The following CDH4 variants were observed in gnomAD, a reference collection of about 807,000 sequenced individuals.
CDH4 encodes cadherin-4.
A neutral mutation model predicts 86.0 loss-of-function variants in CDH4; 33 were observed. That is an observed-to-expected ratio of 0.38 (90% CI 0.29 to 0.51). The LOEUF is 0.51. Among genes scored for constraint, CDH4 ranks in the 20% least tolerant of loss-of-function variants. The probability of loss-of-function intolerance (pLI) is 0.86; values close to 1 mark genes in which losing one functional copy is unlikely to be tolerated. For missense variants in CDH4, 1,114 were observed against 1,307.4 expected (o/e 0.85, Z 2.28); for synonymous variants, 555 against 549.4 (o/e 1.01, Z -0.14).
chr20:61,842,451 C>A (rs573390525), intron 4 of CDH4, among the ~76,000 whole-genome samples: 1 of 152,192 alleles, frequency 6.6e-6, no homozygotes, highest in African/African-American at 2.4e-5. Flanking sequence ...AATTCCAGAG[C>A]GAGCTGACCT....
chr20:61,464,704 C>T (rs1485919268), intron 2 of CDH4, among the ~76,000 whole-genome samples: 2 of 152,216 alleles, frequency 1.3e-5, no homozygotes. Context: ...TGGTAACTAA[C>T]ATAGGTGTCT....
chr20:61,327,972 G>A (rs563581269), intron 2 of CDH4, among the ~76,000 whole-genome samples: 2 of 152,274 alleles, frequency 1.3e-5, no homozygotes, highest in East Asian at 3.9e-4. Flanking sequence ...AAATTCACAG[G>A]ACAATACTGA....
intron 2 of CDH4, among the ~76,000 whole-genome samples, chr20:61,286,808 A>C (rs1386302239): frequency 1.3e-5 from 2 of 152,236 alleles, no homozygotes; most frequent in African/African-American, 4.8e-5. Flanking sequence ...GAGCACTCAG[A>C]CATCCTCTGG....
chr20:61,447,548 T>C (rs1366777343), intron 2 of CDH4, among the ~76,000 whole-genome samples: 1 of 151,838 alleles, frequency 6.6e-6, no homozygotes, highest in African/African-American at 2.4e-5. Flanking sequence ...CCCATTTCAC[T>C]TTTTAATCAT....
At chr20:61,801,669 C>T (rs1199708875) in intron 4 of CDH4, among the ~76,000 whole-genome samples, 2 of 141,530 alleles carry the variant, frequency 1.4e-5, no homozygotes, top group Non-Finnish European at 3.1e-5. Context: ...TGCCCTTTCC[C>T]GTTTCTAGAG....
intron 7 of CDH4, among the ~76,000 whole-genome samples, chr20:61,877,721 T>G (rs1984094776): frequency 6.6e-6 from 1 of 152,126 alleles, no homozygotes; most frequent in Admixed American, 6.5e-5. Flanking sequence ...GAAGATCAGT[T>G]TCTGTCTTGT....
At chr20:61,440,265 T>C (rs945427348) in intron 2 of CDH4, among the ~76,000 whole-genome samples, 5 of 152,162 alleles carry the variant, frequency 3.3e-5, no homozygotes, top group African/African-American at 1.2e-4. Context: ...AGACACTTAC[T>C]GAAGTGATGA....
At chr20:61,803,144 G>A (rs973494855) in intron 4 of CDH4, among the ~76,000 whole-genome samples, 6 of 152,192 alleles carry the variant, frequency 3.9e-5, no homozygotes, top group Non-Finnish European at 5.9e-5. Context: ...CGTCGTTGAC[G>A]GTGTGTCCGC....
intron 3 of CDH4, among the ~76,000 whole-genome samples, chr20:61,747,496 CAG>C (rs1483352802): frequency 6.7e-6 from 1 of 149,768 alleles, no homozygotes; most frequent in African/African-American, 2.5e-5. Context: ...ATGGGGCAAT[CAG>C]AGAGATTTTA....
At chr20:61,447,056 C>A (rs185186963) in intron 2 of CDH4, among the ~76,000 whole-genome samples, 59 of 152,170 alleles carry the variant, frequency 3.9e-4, no homozygotes, top group African/African-American at 1.3e-3. Context: ...TGGAGGAATT[C>A]TTTGTATACT....
intron 4 of CDH4, among the ~76,000 whole-genome samples, chr20:61,790,787 T>C (rs1445640114): frequency 6.6e-6 from 1 of 151,116 alleles, no homozygotes; most frequent in Admixed American, 6.6e-5. Context: ...TCTCTCTCCA[T>C]CCATTCATTC....
chr20:61,757,793 G>A (rs150887834), intron 3 of CDH4, among the ~76,000 whole-genome samples: 34 of 152,332 alleles, frequency 2.2e-4, no homozygotes, highest in African/African-American at 8.2e-4. Context: ...GAGCCGTGGA[G>A]GGAGGAGCGA....
chr20:61,492,981 G>T (rs2145590912), intron 2 of CDH4, among the ~76,000 whole-genome samples: 1 of 152,332 alleles, frequency 6.6e-6, no homozygotes, highest in East Asian at 1.9e-4. Context: ...GAGCTGTCGT[G>T]CCTGTCAGCC....
intron 2 of CDH4, among the ~76,000 whole-genome samples, chr20:61,368,636 C>G (rs1331513393): frequency 6.6e-6 from 1 of 152,108 alleles, no homozygotes; most frequent in Non-Finnish European, 1.5e-5. Flanking sequence ...CCTGCCTTAG[C>G]CTCCCAAGTA....
At chr20:61,919,836 CGT>C (rs1491360922) in intron 9 of CDH4, among the ~76,000 whole-genome samples, 3 of 68,416 alleles carry the variant, frequency 4.4e-5, no homozygotes, top group African/African-American at 1.8e-4. Context: ...TGCATGGAAG[CGT>C]GTGATTGTGT....
rs534338044 is a variant in CDH4, at chr20:61,775,887, C to T, written c.576+2705C>T. Among the ~76,000 whole-genome samples the T allele has an allele frequency of 1.0e-3, 155 of 152,302 alleles. 6 individuals are homozygous for T. The South Asian group carries it at 0.029, about 28-fold the overall frequency. On this transcript the variant is annotated intron_variant, in intron 4 of 15. Transcript: ENST00000614565. ...GGGAATTTCTTCCTCAGCTCTGCTC[C>T]ACAGATAGGCTTGTAAAAGGGAACA... is the stretch of plus-strand genomic sequence containing the variant.
rs2087510599 is a variant in CDH4, at chr20:61,681,306, C to T, written c.170-62257C>T. Among the ~76,000 whole-genome samples, 1 of 152,312 alleles carries T rather than the reference C, an allele frequency of 6.6e-6. No homozygotes were observed. Among genetic ancestry groups the T allele is most frequent in the South Asian group, 2.1e-4 (1 of 4,824 alleles). Reference sequence around the variant, plus strand: ...TTTTGCAAGGCTTGGTATGAATTTTCTCTTTTGTCCAAATCATACAAAATA... The same window carrying T: ...TTTTGCAAGGCTTGGTATGAATTTTTTCTTTTGTCCAAATCATACAAAATA... On this transcript the variant is annotated intron_variant, in intron 2 of 15. Transcript: ENST00000614565. This position sits in a 1 kb window ranked among gnomAD's most constrained non-coding sequence, Gnocchi z 4.5.
chr20:61,319,523 A>T (rs977315486), intron 2 of CDH4, among the ~76,000 whole-genome samples: 5 of 152,072 alleles, frequency 3.3e-5, no homozygotes, highest in Non-Finnish European at 7.4e-5. Context: ...TTGAGATCTG[A>T]TTTCAGTTCT....
At chr20:61,730,934 C>T (rs142763061) in intron 2 of CDH4, among the ~76,000 whole-genome samples, 49 of 146,102 alleles carry the variant, frequency 3.4e-4, no homozygotes, top group African/African-American at 1.0e-3. Flanking sequence ...GTTGGGGTAT[C>T]CAGGGGCTCC....
Sources: gnomAD v4.1 joint callset for allele counts (sites outside exome capture counted in the v4.1 genomes callset) on GRCh38, gnomAD v4.1.1 for gene constraint, Gnocchi (gnomAD v3.1) non-coding constraint, MANE v1.5 for transcripts, NCBI Gene and HGNC (gene_info 2026-07-23, HGNC 2026-07-21) for gene names.